The following DAB1 variants were observed in gnomAD, a reference collection of about 807,000 sequenced individuals.
DAB1 encodes disabled homolog 1.
A neutral mutation model predicts 64.6 loss-of-function variants in DAB1; 15 were observed. The observed-to-expected ratio is 0.23, with a 90% CI of 0.16 to 0.36. DAB1 has a LOEUF of 0.36. Among genes scored for constraint, DAB1 ranks in the 10% least tolerant of loss-of-function variants. The pLI, the probability that DAB1 is intolerant of heterozygous loss-of-function variation, is 1.00. For synonymous variants in DAB1, 235 were observed against 251.9 expected, an observed-to-expected ratio of 0.93 and a Z score of 0.64; for missense variants, 596 against 706.7, an observed-to-expected ratio of 0.84 and a Z score of 1.78.
chr1:57,688,495 A>G (rs529643280), intron 6 of DAB1, among the ~76,000 whole-genome samples: 1 of 152,348 alleles, frequency 6.6e-6, no homozygotes, highest in South Asian at 2.1e-4. Flanking sequence ...GCCACTGTGA[A>G]AAGCTGTTTG....
intron 9 of DAB1, among the ~76,000 whole-genome samples, chr1:57,036,709 T>A (rs1647168038): frequency 6.6e-6 from 1 of 152,198 alleles, no homozygotes; most frequent in South Asian, 2.1e-4. Flanking sequence ...TGACATCAAA[T>A]TTACTCGCAA....
intron 6 of DAB1, among the ~76,000 whole-genome samples, chr1:57,706,744 T>C (rs1646970960): frequency 6.6e-6 from 1 of 152,100 alleles, no homozygotes; most frequent in Admixed American, 6.6e-5. Flanking sequence ...TGCTGTTTTA[T>C]CACGTGTGAA....
At chr1:57,293,048 T>G (rs149561698) in intron 1 of DAB1, among the ~76,000 whole-genome samples, 1 of 152,104 alleles carries the variant, frequency 6.6e-6, no homozygotes, top group Non-Finnish European at 1.5e-5. Context: ...AATGAATGAA[T>G]GAGTGGTTGT....
In DAB1 at chr1:57,695,299, GGAAAGAA is replaced by G. The variant is rs1646814388; in HGVS notation, n.552-45641_552-45635del. ...AAGGAAGGAAGAAAGGGAGAGAGAA[GGAAAGAA>G]AGAAAGAAAGAAAGAAAGAAAGAAA... On this transcript the variant is annotated intron_variant and non_coding_transcript_variant, in intron 6 of 20. Transcript: ENST00000485760. Among the ~76,000 whole-genome samples the G allele has an allele frequency of 4.8e-3, 178 of 37,254 alleles. 9 individuals are homozygous for G. The highest frequency in any genetic ancestry group is 0.012 in the African/African-American group (171 of 14,866). 24.4% of individuals were successfully genotyped at this position (37,254 alleles called of 152,430 possible).
chr1:57,468,061 T>A (rs1483429182), intron 7 of DAB1, among the ~76,000 whole-genome samples: 1 of 152,240 alleles, frequency 6.6e-6, no homozygotes, highest in Non-Finnish European at 1.5e-5. Flanking sequence ...CTTATTGGAA[T>A]ATTCAGCACA....
intron 6 of DAB1, among the ~76,000 whole-genome samples, chr1:57,772,396 T>C (rs1197573746): frequency 6.6e-6 from 1 of 152,184 alleles, no homozygotes; most frequent in Non-Finnish European, 1.5e-5. Flanking sequence ...TATTCTGTTA[T>C]AGCAGCTCAA....
chr1:58,234,296 A>C (rs1301670374), intron 4 of DAB1, among the ~76,000 whole-genome samples: 10 of 152,234 alleles, frequency 6.6e-5, no homozygotes, highest in Non-Finnish European at 4.4e-5. Flanking sequence ...AATAGGGAGA[A>C]AAACAGATAT....
intron 7 of DAB1, among the ~76,000 whole-genome samples, chr1:57,545,154 A>G (rs1644842622): frequency 6.6e-6 from 1 of 152,124 alleles, no homozygotes; most frequent in Non-Finnish European, 1.5e-5. Flanking sequence ...GTTTTCTTCC[A>G]GGTGTCCACA....
At chr1:57,894,494 T>C (rs961320262) in intron 5 of DAB1, among the ~76,000 whole-genome samples, 3 of 152,152 alleles carry the variant, frequency 2.0e-5, no homozygotes, top group African/African-American at 7.2e-5. Flanking sequence ...GAGAGAATAT[T>C]GCAGAAGGAT....
At chr1:58,456,478 G>A (rs1281515782) in intron 3 of DAB1, among the ~76,000 whole-genome samples, 1 of 152,194 alleles carries the variant, frequency 6.6e-6, no homozygotes, top group Non-Finnish European at 1.5e-5. Flanking sequence ...GCAGGCAGGG[G>A]TGGGAGTGGA....
At chr1:57,633,068 T>A (rs1031628528) in intron 7 of DAB1, among the ~76,000 whole-genome samples, 1 of 152,210 alleles carries the variant, frequency 6.6e-6, no homozygotes, top group Admixed American at 6.5e-5. Flanking sequence ...TTAAGAATAT[T>A]GTTCTCTAAA....
At chr1:58,297,601 C>T (rs1437479728) in intron 4 of DAB1, among the ~76,000 whole-genome samples, 1 of 152,104 alleles carries the variant, frequency 6.6e-6, no homozygotes, top group Non-Finnish European at 1.5e-5. Context: ...ATGGGACAGA[C>T]ATATCTAGTG....
At chr1:57,505,552 T>G (rs903482818) in intron 7 of DAB1, among the ~76,000 whole-genome samples, 5 of 152,242 alleles carry the variant, frequency 3.3e-5, no homozygotes, top group Admixed American at 1.3e-4. Context: ...ATGTAAGTGC[T>G]TAGCAGGTTA....
At chr1:58,417,615 G>T (rs1176091031) in intron 3 of DAB1, among the ~76,000 whole-genome samples, 1 of 152,166 alleles carries the variant, frequency 6.6e-6, no homozygotes, top group Non-Finnish European at 1.5e-5. Flanking sequence ...CAGTCTATAG[G>T]TTGCCTCTCC....
intron 2 of DAB1, among the ~76,000 whole-genome samples, chr1:57,211,910 A>G (rs1666038423): frequency 6.6e-6 from 1 of 152,230 alleles, no homozygotes; most frequent in South Asian, 2.1e-4. Flanking sequence ...GCAACACTTT[A>G]TATCAGGGAC....
chr1:57,882,198 A>G (rs1644155104), intron 1 of DAB1, among the ~76,000 whole-genome samples: 1 of 152,110 alleles, frequency 6.6e-6, no homozygotes, highest in African/African-American at 2.4e-5. Context: ...AGTGCTTTAA[A>G]ACCTCTCTCC....
chr1:57,085,019 C>T (rs1652930408), intron 4 of DAB1, among the ~76,000 whole-genome samples: 1 of 152,172 alleles, frequency 6.6e-6, no homozygotes, highest in Non-Finnish European at 1.5e-5. Context: ...TGAAAATGCA[C>T]CAAACACCGT....
At chr1:57,198,984 C>A (rs562585034) in intron 2 of DAB1, among the ~76,000 whole-genome samples, 2 of 152,112 alleles carry the variant, frequency 1.3e-5, no homozygotes, top group Admixed American at 1.3e-4. Context: ...AGATATGCAC[C>A]ATGGGCACCC....
At chr1:58,080,584 T>A (rs968296046) in intron 5 of DAB1, among the ~76,000 whole-genome samples, 1 of 152,168 alleles carries the variant, frequency 6.6e-6, no homozygotes, top group African/African-American at 2.4e-5. Flanking sequence ...AAGGAGTAAA[T>A]CAACTTGAAG....
Sources: gnomAD v4.1 joint callset for allele counts (sites outside exome capture counted in the v4.1 genomes callset) on GRCh38, gnomAD v4.1.1 for gene constraint, MANE v1.5 for transcripts, NCBI Gene and HGNC (gene_info 2026-07-23, HGNC 2026-07-21) for gene names.